DUSP16: variants seen among roughly 807,000 people sequenced by gnomAD.
DUSP16 encodes dual specificity phosphatase 16.
A neutral mutation model predicts 58.3 loss-of-function variants in DUSP16; 21 were observed. The ratio of observed to expected loss-of-function variants is 0.36; its 90% CI spans 0.26 to 0.52. The LOEUF (loss-of-function observed/expected upper bound fraction) is 0.52. DUSP16 is among the 20% of genes least tolerant of loss of function. The probability of loss-of-function intolerance (pLI) is 0.94; values close to 1 mark genes in which losing one functional copy is unlikely to be tolerated. For missense variants in DUSP16, 726 were observed against 819.0 expected (o/e 0.89, Z 1.39); for synonymous variants, 320 against 323.8 (o/e 0.99, Z 0.12).
chr12:12,546,560 T>A (rs12297678), intron 1 of DUSP16, among the ~76,000 whole-genome samples: 6,888 of 152,264 alleles, frequency 0.045, 552 homozygotes, highest in African/African-American at 0.16. Flanking sequence ...AAGGGACTGG[T>A]AATGGTCAAT....
intron 5 of DUSP16, among the ~76,000 whole-genome samples, chr12:12,483,771 C>T (rs1943622601): frequency 6.6e-6 from 1 of 152,040 alleles, no homozygotes; most frequent in Non-Finnish European, 1.5e-5. Context: ...GGCACATTAA[C>T]TAAAAGACAA....
At chr12:12,479,472 G>A (rs557838869) in intron 6 of DUSP16, among the ~76,000 whole-genome samples, 10 of 152,262 alleles carry the variant, frequency 6.6e-5, no homozygotes, top group African/African-American at 9.6e-5. Flanking sequence ...ATGAGAGCTC[G>A]TGCAGATGAC....
In DUSP16 at chr12:12,476,640, A is replaced by T; in HGVS notation, c.*193T>A. On this transcript the variant is annotated 3_prime_UTR_variant, in exon 7 of 7. Coordinates refer to ENST00000298573, the MANE Select transcript of DUSP16 (RefSeq NM_030640.3). ...TCTGCCCTTCCATTTTTGTTGAGAG[A>T]AGTATTAGCTGATCTCTCAAATGCA... 2.0e-6 allele frequency: 1 copy of T among 503,808 alleles called. No homozygotes were observed. The highest frequency in any genetic ancestry group is 3.3e-5 in the East Asian group (1 of 30,380). The allele number at this position is 503,808 out of a possible 1,614,324, so 31.2% of individuals were successfully genotyped here. A position where few individuals can be genotyped will look rare whatever the true frequency, so the allele number is the denominator to read the frequency against.
intron 1 of DUSP16, among the ~76,000 whole-genome samples, chr12:12,542,923 G>A (rs1944587189): frequency 6.6e-6 from 1 of 152,158 alleles, no homozygotes; most frequent in Admixed American, 6.5e-5. Context: ...TGGGATTCAT[G>A]CTATATAAAA....
chr12:12,475,332 G>A lies in DUSP16; in HGVS notation c.*1501C>T. 1 of 152,094 alleles carries A rather than the reference G, an allele frequency of 6.6e-6. No homozygotes were observed. The highest frequency in any genetic ancestry group is 1.5e-5 in the Non-Finnish European group (1 of 68,022). The allele number at this position is 152,094 out of a possible 1,614,324, so 9.4% of individuals were successfully genotyped here. On this transcript the variant is annotated 3_prime_UTR_variant, in exon 7 of 7. Transcript: ENST00000298573. ...CAGGAGGATGTTTGAAAGCCAATCT[G>A]CACTATCACTTGTTCCAGTGACCTC...
At chr12:12,544,696 T>C (rs1210095646) in intron 1 of DUSP16, among the ~76,000 whole-genome samples, 1 of 152,254 alleles carries the variant, frequency 6.6e-6, no homozygotes, top group Non-Finnish European at 1.5e-5. Context: ...TGTGGTTTCA[T>C]TCAGCATTTT....
intron 5 of DUSP16, among the ~76,000 whole-genome samples, chr12:12,485,786 CTTTT>C (rs749939375): frequency 0.062 from 6,687 of 107,584 alleles, 280 homozygotes; most frequent in East Asian, 0.29. Context: ...GCCAATTCCA[CTTTT>C]TTTTTTTTTT....
chr12:12,513,548 T>C (rs1192861876), intron 3 of DUSP16, among the ~76,000 whole-genome samples: 1 of 152,192 alleles, frequency 6.6e-6, no homozygotes, highest in Non-Finnish European at 1.5e-5. Context: ...TCAGCAGCTC[T>C]GTTATTTTCC....
In DUSP16 at chr12:12,480,239, A is replaced by C; in HGVS notation, c.799T>G (p.Leu267Val). The C allele has an allele frequency of 1.2e-6, 2 of 1,614,118 alleles. No individual in the cohort carries two copies. Among genetic ancestry groups the C allele is most frequent in the South Asian group, 2.2e-5 (2 of 91,048 alleles). The change falls in exon 6 of 7, where the codon TTA (leucine) becomes GTA (valine). Residue 267 changes from leucine (L) to valine (V), a missense_variant. Leu to Val is a conservative substitution (Grantham distance 32, BLOSUM62 1). Coordinates refer to ENST00000298573, the MANE Select transcript of DUSP16 (RefSeq NM_030640.3). ...AYIMKRMDMS[L>V]DEAYRFVKEK... is the part of the protein sequence containing the mutation. ...TGCCCTCACCTGTAAGCTTCATCTA[A>C]AGACATGTCCATCCTCTTCATGATG...
intron 4 of DUSP16, among the ~76,000 whole-genome samples, chr12:12,492,329 AAC>A (rs1224849716): frequency 1.3e-5 from 2 of 152,170 alleles, no homozygotes; most frequent in Non-Finnish European, 2.9e-5. Context: ...GAAAAACTGA[AAC>A]AGTCAGAGGC....
At chr12:12,499,169 G>A (rs1943874622) in intron 4 of DUSP16, among the ~76,000 whole-genome samples, 3 of 152,136 alleles carry the variant, frequency 2.0e-5, no homozygotes, top group Admixed American at 1.3e-4. Context: ...GCTGGTTAAG[G>A]TTTACCAGGA....
At chr12:12,510,792 A>G (rs1296518187) in intron 3 of DUSP16, among the ~76,000 whole-genome samples, 1 of 152,224 alleles carries the variant, frequency 6.6e-6, no homozygotes, top group Non-Finnish European at 1.5e-5. Context: ...CTTGACAACC[A>G]CATTGAATCT....
intron 2 of DUSP16, among the ~76,000 whole-genome samples, chr12:12,520,311 A>C (rs1390930546): frequency 6.6e-6 from 1 of 152,202 alleles, no homozygotes; most frequent in Non-Finnish European, 1.5e-5. Flanking sequence ...GACCTAAACA[A>C]ACTTTTTTTA....
chr12:12,552,409 G>C (rs1163886233), intron 1 of DUSP16, among the ~76,000 whole-genome samples: 1 of 151,908 alleles, frequency 6.6e-6, no homozygotes, highest in African/African-American at 2.4e-5. Context: ...TCACACCACT[G>C]CACTCCAGCC....
intron 3 of DUSP16, among the ~76,000 whole-genome samples, chr12:12,506,950 C>G (rs564220212): frequency 6.6e-6 from 1 of 152,302 alleles, no homozygotes; most frequent in African/African-American, 2.4e-5. Context: ...CCTAATTCAG[C>G]CATGAAAACG....
intron 4 of DUSP16, among the ~76,000 whole-genome samples, chr12:12,496,883 T>A (rs1264929666): frequency 6.6e-6 from 1 of 152,226 alleles, no homozygotes. Context: ...AATAAAAGTA[T>A]GTTTTTGGTA....
At chr12:12,542,871 C>T (rs549623772) in intron 1 of DUSP16, among the ~76,000 whole-genome samples, 1 of 151,922 alleles carries the variant, frequency 6.6e-6, no homozygotes, top group Admixed American at 6.6e-5. Context: ...GAAACTGGGG[C>T]CTTTAGAGGG....
chr12:12,476,885 A>C lies in DUSP16; in HGVS notation c.1946T>G (p.Val649Gly). 1 of 1,613,054 alleles carries C rather than the reference A, an allele frequency of 6.2e-7. No individual in the cohort carries two copies. The highest frequency in any genetic ancestry group is 8.5e-7 in the Non-Finnish European group (1 of 1,179,968). ...ENRSREELGKVGSQSSFSGSM... is the reference protein window; with the variant it reads ...ENRSREELGKGGSQSSFSGSM... ...GCCCGAAAAGCTAGACTGACTGCCCACTTTCCCCAGCTCTTCCCGTGACCT... is the reference window on the plus strand; with the variant it reads ...GCCCGAAAAGCTAGACTGACTGCCCCCTTTCCCCAGCTCTTCCCGTGACCT... Residue 649 changes from valine (V) to glycine (G), a missense_variant, in exon 7 of 7, where the codon GTG (valine) becomes GGG (glycine). Coordinates refer to ENST00000298573, the MANE Select transcript of DUSP16 (RefSeq NM_030640.3).
chr12:12,532,948 C>CAAA (rs11450029), intron 1 of DUSP16, among the ~76,000 whole-genome samples: 5 of 113,286 alleles, frequency 4.4e-5, no homozygotes, highest in East Asian at 4.5e-4. Context: ...AACTCTGTCT[C>CAAA]AAAAAAAAAA....
Sources: gnomAD v4.1 joint callset for allele counts (sites outside exome capture counted in the v4.1 genomes callset) on GRCh38, gnomAD v4.1.1 for gene constraint, MANE v1.5 for transcripts, NCBI Gene and HGNC (gene_info 2026-07-23, HGNC 2026-07-21) for gene names.